Variants in SATL1 observed in about 807,000 individuals in gnomAD.
SATL1 encodes spermidine/spermine N(1)-acetyltransferase-like protein 1.
Under a neutral mutation model 51.8 loss-of-function variants are expected in SATL1, and 47 were observed. The ratio of observed to expected loss-of-function variants is 0.91; its 90% confidence interval spans 0.72 to 1.16. The LOEUF (loss-of-function observed/expected upper bound fraction) is 1.16, where lower values mean the gene tolerates loss of function less well. Among genes scored for constraint, SATL1 ranks in the 50% most tolerant of loss-of-function variants. The probability of loss-of-function intolerance (pLI) is 0.00; values close to 1 mark genes in which losing one functional copy is unlikely to be tolerated. For synonymous variants in SATL1, 176 were observed against 182.4 expected, an observed-to-expected ratio of 0.97 and a Z score of 0.28; for missense variants, 520 against 526.4, an observed-to-expected ratio of 0.99 and a Z score of 0.12.
intron 2 of SATL1, among the ~76,000 whole-genome samples, chrX:85,198,212 A>AG (rs757548735): frequency 9.0e-6 from 1 of 111,704 alleles, no homozygotes; most frequent in African/African-American, 3.3e-5. Flanking sequence ...TATGTACTAT[A>AG]TTTTCTTTCT....
chrX:85,233,109 CATTT>C (rs780593643), intron 1 of SATL1, among the ~76,000 whole-genome samples: 48 of 111,971 alleles, frequency 4.3e-4, no homozygotes, highest in Non-Finnish European at 7.9e-4. Flanking sequence ...AGACAGATTC[CATTT>C]ATTTGGGAGA....
rs183530030 is a variant in SATL1, at chrX:85,172,523, A to G, written c.-313+51682T>C. Among the ~76,000 whole-genome samples, 178 of 111,043 alleles carry G rather than the reference A, an allele frequency of 1.6e-3. 1 individual carries two copies. The highest frequency in any genetic ancestry group is 5.4e-3 in the African/African-American group (167 of 30,694). On this transcript the variant is annotated intron_variant, in intron 2 of 7. Transcript: ENST00000644105. ...GAATACTAGACCAGAGGCAAAGGAA[A>G]GTGCTTTCCTTTATTCTATACTTCA...
chrX:85,218,169 ATGCT>A (rs202076282), intron 2 of SATL1, among the ~76,000 whole-genome samples: 11,835 of 110,071 alleles, frequency 0.11, 568 homozygotes, highest in South Asian at 0.17. Context: ...ATTGGGTACT[ATGCT>A]TATTACCTGG....
intron 4 of SATL1, among the ~76,000 whole-genome samples, chrX:85,097,382 G>C (rs920081424): frequency 5.3e-5 from 6 of 112,337 alleles, no homozygotes; most frequent in Non-Finnish European, 1.1e-4. Flanking sequence ...TGCTCACCCA[G>C]GTTGGAGTGC....
At chrX:85,220,371 C>G (rs777007390) in intron 2 of SATL1, among the ~76,000 whole-genome samples, 13 of 108,909 alleles carry the variant, frequency 1.2e-4, no homozygotes, top group African/African-American at 4.0e-4. Context: ...GAACTGGGCC[C>G]AGAAACAGTG....
chrX:85,189,971 A>T (rs1927400778), intron 2 of SATL1, among the ~76,000 whole-genome samples: 1 of 112,251 alleles, frequency 8.9e-6, no homozygotes, highest in South Asian at 3.7e-4. Flanking sequence ...TTGAGCATTA[A>T]TTCATGCTTA....
intron 2 of SATL1, among the ~76,000 whole-genome samples, chrX:85,187,951 C>T (rs758151664): frequency 4.5e-5 from 5 of 110,401 alleles, no homozygotes; most frequent in Non-Finnish European, 7.6e-5. Context: ...CTTTTAAATT[C>T]TCCTAGAAGC....
At chrX:85,198,347 A>G (rs1236753063) in intron 2 of SATL1, among the ~76,000 whole-genome samples, 1 of 111,787 alleles carries the variant, frequency 8.9e-6, no homozygotes, top group African/African-American at 3.3e-5. Flanking sequence ...GTATATAGCT[A>G]GCAGGGAGAT....
chrX:85,190,875 C>G (rs1927421052), intron 2 of SATL1, among the ~76,000 whole-genome samples: 1 of 107,422 alleles, frequency 9.3e-6, no homozygotes, highest in Non-Finnish European at 1.9e-5. Flanking sequence ...GGACAGAAAA[C>G]CAAACACCGC....
At chrX:85,205,939 A>G (rs1415414815) in intron 2 of SATL1, among the ~76,000 whole-genome samples, 1 of 111,868 alleles carries the variant, frequency 8.9e-6, no homozygotes, top group African/African-American at 3.2e-5. Context: ...TTATAAATAG[A>G]ACAAACAAAA....
chrX:85,121,549 A>G (rs1569231340), intron 2 of SATL1, among the ~76,000 whole-genome samples: 1 of 105,276 alleles, frequency 9.5e-6, no homozygotes, highest in East Asian at 3.0e-4. Flanking sequence ...TATGACAGAA[A>G]ATGATTGAAT....
In SATL1 at chrX:85,108,483, G is replaced by T. The variant is rs746444935; in HGVS notation, c.486C>A (p.Gly162=). The T allele has an allele frequency of 1.7e-6, 2 of 1,210,451 alleles. No homozygotes were observed. The highest frequency in any genetic ancestry group is 4.4e-5 in the Admixed American group (2 of 45,871). The part of the protein sequence containing the change: ...SMRQVGTSQL[G]TSQIGMSQPG... The stretch of plus-strand genomic sequence containing the variant: ...GTTGGCTCATGCCTATTTGGCTTGT[G>T]CCTAATTGGCTGGTGCCTACTTGTC... Residue 162 remains glycine, a synonymous_variant, in exon 3 of 8, where the codon GGC becomes GGA. Coordinates refer to ENST00000644105, the MANE Select transcript of SATL1 (RefSeq NM_001367857.2).
At chrX:85,146,779 G>A (rs1926251290) in intron 2 of SATL1, among the ~76,000 whole-genome samples, 1 of 112,547 alleles carries the variant, frequency 8.9e-6, no homozygotes, top group African/African-American at 3.2e-5. Context: ...ACTCCCATTG[G>A]GGAATTTGGG....
At chrX:85,192,492 CAT>C (rs1927461360) in intron 2 of SATL1, among the ~76,000 whole-genome samples, 1 of 110,955 alleles carries the variant, frequency 9.0e-6, no homozygotes, top group Admixed American at 9.7e-5. Flanking sequence ...ACATTTTACA[CAT>C]GTTCTTTTTT....
chrX:85,146,739 A>G (rs1195598466), intron 2 of SATL1, among the ~76,000 whole-genome samples: 1 of 112,656 alleles, frequency 8.9e-6, no homozygotes, highest in Non-Finnish European at 1.9e-5. Flanking sequence ...CTCTCTAAAG[A>G]TACTATATGA....
chrX:85,102,166 T>C (rs1348444049), intron 4 of SATL1, among the ~76,000 whole-genome samples: 2 of 110,215 alleles, frequency 1.8e-5, no homozygotes, highest in African/African-American at 6.6e-5. Context: ...ATGTGCCATG[T>C]TGGTGTACTG....
rs1313338861 is a variant in SATL1, at chrX:85,160,489, G to A, written c.-312-51209C>T. 2.7e-5 allele frequency among the ~76,000 whole-genome samples: 3 copies of A among 110,131 alleles called. No homozygotes were observed. The East Asian group carries it at 8.7e-4, about 32-fold the overall frequency. On this transcript the variant is annotated intron_variant, in intron 2 of 7. Transcript: ENST00000644105. ...AAAAATAGCCAGTATAGAAATGAAC[G>A]AAACTGACCTGATAGAGCTGAAAAA...
intron 2 of SATL1, among the ~76,000 whole-genome samples, chrX:85,187,818 G>C: frequency 9.0e-6 from 1 of 111,594 alleles, no homozygotes; most frequent in East Asian, 2.8e-4. Context: ...TTTGGTATCA[G>C]AGTTATGCTG....
At position 85,176,999 on chromosome X, in the gene SATL1, T is replaced by C. The variant is rs750191499; in HGVS notation, c.-313+47206A>G. ...ACTTCTGTGGTTTTCTTGCCAAAAA[T>C]GAGTGGCCTCAATGTAATCATGAGA... On this transcript the variant is annotated intron_variant, in intron 2 of 7. Coordinates refer to ENST00000644105, the MANE Select transcript of SATL1 (RefSeq NM_001367857.2). Among the ~76,000 whole-genome samples, 5 of 111,463 alleles carry C rather than the reference T, an allele frequency of 4.5e-5. No individual in the cohort carries two copies. In the South Asian group the frequency reaches 1.9e-3, roughly 42 times the overall value.
Sources: allele counts gnomAD v4.1 joint callset (sites outside exome capture counted in the v4.1 genomes callset), GRCh38; gene constraint gnomAD v4.1.1; transcripts MANE v1.5; gene names NCBI Gene and HGNC (gene_info 2026-07-23, HGNC 2026-07-21).